The following PLCG2 variants were observed in gnomAD, a reference collection of about 807,000 sequenced individuals.
PLCG2 encodes the protein phospholipase C gamma 2.
Under a neutral mutation model 175.6 loss-of-function variants are expected in PLCG2, and 69 were observed. That is an observed-to-expected ratio of 0.39 (90% CI 0.32 to 0.48). The LOEUF (loss-of-function observed/expected upper bound fraction) is 0.48. Ranked by LOEUF, PLCG2 falls within the 20% of genes least tolerant of loss-of-function variation. The pLI is 0.91. For missense variants in PLCG2, 1,798 were observed against 1,650.9 expected (o/e 1.09, Z -1.54); for synonymous variants, 827 against 624.0 (o/e 1.33, Z -4.85).
At chr16:81,895,754 G>T in intron 12 of PLCG2, 53 bp from the exon 13 acceptor site, 6 of 1,606,522 alleles carry the variant, frequency 3.7e-6, no homozygotes, top group Non-Finnish European at 5.1e-6. Context: ...GGCTGACCTC[G>T]GGGCTGTCAG....
intron 2 of PLCG2, among the ~76,000 whole-genome samples, chr16:81,760,083 G>A (rs946295956): frequency 2.0e-5 from 3 of 152,210 alleles, no homozygotes; most frequent in African/African-American, 7.2e-5. Flanking sequence ...CCGAGATCGC[G>A]CCACTGCTCA....
intron 2 of PLCG2, among the ~76,000 whole-genome samples, chr16:81,764,770 G>A (rs994154340): frequency 2.0e-5 from 3 of 152,176 alleles, no homozygotes; most frequent in Non-Finnish European, 4.4e-5. Flanking sequence ...AAGTTAATAT[G>A]TGGTCATACT....
chr16:81,883,128 GT>G (rs2143575576), intron 8 of PLCG2, 140 bp from the exon 9 acceptor site: 1 of 685,222 alleles, frequency 1.5e-6, no homozygotes, highest in African/African-American at 1.8e-5. Context: ...GTGTCTTCCT[GT>G]TGGCCAACCT....
At chr16:81,760,075 G>A (rs1179190108) in intron 2 of PLCG2, among the ~76,000 whole-genome samples, 5 of 152,224 alleles carry the variant, frequency 3.3e-5, no homozygotes, top group South Asian at 2.1e-4. Context: ...GCAGTGAGCC[G>A]AGATCGCGCC....
At chr16:81,888,569 G>C (rs1214004790) in intron 9 of PLCG2, among the ~76,000 whole-genome samples, 1 of 152,168 alleles carries the variant, frequency 6.6e-6, no homozygotes, top group Non-Finnish European at 1.5e-5. Flanking sequence ...GCTTCATACA[G>C]TGTACATTTC....
intron 2 of PLCG2, among the ~76,000 whole-genome samples, chr16:81,833,119 C>T (rs1177630570): frequency 6.6e-6 from 1 of 152,102 alleles, no homozygotes; most frequent in African/African-American, 2.4e-5. Context: ...TGGCACCCAC[C>T]TCGCAGAACC....
chr16:81,911,329 C>T (rs1344185316), intron 18 of PLCG2, among the ~76,000 whole-genome samples: 1 of 152,090 alleles, frequency 6.6e-6, no homozygotes, highest in Non-Finnish European at 1.5e-5. Flanking sequence ...AACCCAAAAC[C>T]TTGTGAAACT....
At chr16:81,886,251 G>A (rs1456823103) in intron 9 of PLCG2, among the ~76,000 whole-genome samples, 3 of 152,212 alleles carry the variant, frequency 2.0e-5, no homozygotes. Flanking sequence ...GCTGCCCTTA[G>A]AGATCAGGGA....
intron 31 of PLCG2, 46 bp from the exon 32 acceptor site, chr16:81,956,649 G>A: frequency 1.3e-6 from 2 of 1,547,612 alleles, no homozygotes; most frequent in Non-Finnish European, 8.8e-7. Context: ...TTTTGGTTTG[G>A]AAGGTGTAGT....
chr16:81,879,777 G>T lies in PLCG2; in HGVS notation c.649-1133G>T, dbSNP rs530772597. On this transcript the variant is annotated intron_variant, in intron 7 of 32. Coordinates refer to ENST00000564138, the MANE Select transcript of PLCG2 (RefSeq NM_002661.5). ...GCAGGGTGCCTGTGTACAATGCACA[G>T]AAAATGGGCTGGTGCAAGTAGAAGC... 2.0e-5 allele frequency among the ~76,000 whole-genome samples: 3 copies of T among 152,334 alleles called. No individual in the cohort carries two copies. The South Asian group carries it at 6.2e-4, about 32-fold the overall frequency.
chr16:81,894,032 A>T (rs1908765927), intron 12 of PLCG2, among the ~76,000 whole-genome samples: 1 of 133,288 alleles, frequency 7.5e-6, no homozygotes, highest in African/African-American at 2.9e-5. Context: ...GGCTGGTATT[A>T]GAGGAAGGCA....
chr16:81,741,158 G>T (rs1175526654), intron 1 of PLCG2, among the ~76,000 whole-genome samples: 1 of 152,052 alleles, frequency 6.6e-6, no homozygotes, highest in East Asian at 1.9e-4. Flanking sequence ...CAGGGAGGTG[G>T]GTCCTCCAGG....
Position 81,960,435 on chromosome 16 carries a change from G to T in PLCG2, c.*2437G>T, listed in dbSNP as rs1911740972. The T allele has an allele frequency of 4.4e-6, 1 of 227,132 alleles. No homozygotes were observed. The highest frequency in any genetic ancestry group is 6.4e-5 in the East Asian group (1 of 15,724). 14.1% of individuals were successfully genotyped at this position (227,132 alleles called of 1,614,324 possible). A position where few individuals can be genotyped will look rare whatever the true frequency, so the allele number is the denominator to read the frequency against. On this transcript the variant is annotated 3_prime_UTR_variant, in exon 33 of 33. Transcript: ENST00000564138. Reference sequence around the variant, plus strand: ...ACTGCATATGTATTACACTGTTTTTGTTCACCATTTTCCTAAGTGTGTTAT... The same window carrying T: ...ACTGCATATGTATTACACTGTTTTTTTTCACCATTTTCCTAAGTGTGTTAT...
intron 2 of PLCG2, among the ~76,000 whole-genome samples, chr16:81,834,726 G>T (rs1905425421): frequency 2.0e-5 from 3 of 152,142 alleles, no homozygotes; most frequent in Admixed American, 2.0e-4. Context: ...GAACCCACTG[G>T]ACCAAGGCAT....
At chr16:81,818,128 T>A (rs1326135131) in intron 2 of PLCG2, among the ~76,000 whole-genome samples, 3 of 152,226 alleles carry the variant, frequency 2.0e-5, no homozygotes, top group African/African-American at 7.2e-5. Context: ...AGGGCTCTCG[T>A]GAGTATTCAG....
In PLCG2 at chr16:81,934,849, G is replaced by C. The variant is rs146890635; in HGVS notation, c.2842+318G>C. 1.3e-3 allele frequency among the ~76,000 whole-genome samples: 198 copies of C among 152,266 alleles called. 1 individual carries two copies. Among genetic ancestry groups the C allele is most frequent in the African/African-American group, 4.4e-3 (184 of 41,544 alleles). ...GGCAGCAGAGGAGAGAGAATGAGAAGCAAGTGAAAGGGGAAACCCTTATAA... is the reference window on the plus strand; with the variant it reads ...GGCAGCAGAGGAGAGAGAATGAGAACCAAGTGAAAGGGGAAACCCTTATAA... On this transcript the variant is annotated intron_variant, in intron 26 of 32. Transcript: ENST00000564138.
At chr16:81,839,261 C>A (rs1274501581) in intron 2 of PLCG2, among the ~76,000 whole-genome samples, 2 of 151,976 alleles carry the variant, frequency 1.3e-5, no homozygotes, top group Non-Finnish European at 2.9e-5. Flanking sequence ...ATACAACAAA[C>A]CTTATAAGGT....
chr16:81,929,644 C>A (rs539737122), intron 24 of PLCG2, among the ~76,000 whole-genome samples: 2 of 152,358 alleles, frequency 1.3e-5, no homozygotes, highest in South Asian at 4.1e-4. Flanking sequence ...GATCTGCCTG[C>A]CTTAGCCTCC....
intron 1 of PLCG2, among the ~76,000 whole-genome samples, chr16:81,753,955 T>G (rs1159560044): frequency 6.6e-6 from 1 of 152,090 alleles, no homozygotes; most frequent in Non-Finnish European, 1.5e-5. Flanking sequence ...GGTCCCACCT[T>G]GGGTGGAGGC....
Sources: gnomAD v4.1 joint callset for allele counts (sites outside exome capture counted in the v4.1 genomes callset) on GRCh38, gnomAD v4.1.1 for gene constraint, MANE v1.5 for transcripts, NCBI Gene and HGNC (gene_info 2026-07-23, HGNC 2026-07-21) for gene names.